The following CDC42BPA variants were observed in gnomAD, a reference collection of about 807,000 sequenced individuals.
CDC42BPA encodes serine/threonine-protein kinase MRCK alpha.
A neutral mutation model predicts 223.5 loss-of-function variants in CDC42BPA; 80 were observed. The ratio of observed to expected loss-of-function variants is 0.36; its 90% CI spans 0.30 to 0.43. The LOEUF (loss-of-function observed/expected upper bound fraction) is 0.43, where lower values mean the gene tolerates loss of function less well. Ranked by LOEUF, CDC42BPA falls within the 20% of genes least tolerant of loss-of-function variation. The probability of loss-of-function intolerance (pLI) is 1.00; values close to 1 mark genes in which losing one functional copy is unlikely to be tolerated. For synonymous variants in CDC42BPA, 694 were observed against 718.6 expected (o/e 0.97, Z 0.55); for missense variants, 1,743 against 2,099.9 (o/e 0.83, Z 3.32).
intron 32 of CDC42BPA, among the ~76,000 whole-genome samples, chr1:227,019,197 T>C (rs373002971): frequency 1.4e-3 from 212 of 152,344 alleles, no homozygotes; most frequent in African/African-American, 4.5e-3. Flanking sequence ...TCTTGTTTTT[T>C]CAACAATGTT....
intron 3 of CDC42BPA, among the ~76,000 whole-genome samples, chr1:227,207,018 T>C (rs1672859445): frequency 6.6e-6 from 1 of 151,424 alleles, no homozygotes; most frequent in Non-Finnish European, 1.5e-5. Flanking sequence ...GCCATGTTGG[T>C]GTGCTGCACC....
intron 10 of CDC42BPA, among the ~76,000 whole-genome samples, chr1:227,138,097 G>A (rs971270813): frequency 2.0e-5 from 3 of 151,928 alleles, no homozygotes; most frequent in Non-Finnish European, 2.9e-5. Flanking sequence ...AACAACTTAC[G>A]GAAAAACAGA....
intron 1 of CDC42BPA, among the ~76,000 whole-genome samples, chr1:227,312,411 C>T (rs1310663559): frequency 6.6e-6 from 1 of 152,212 alleles, no homozygotes; most frequent in Non-Finnish European, 1.5e-5. Flanking sequence ...TGGGACATTT[C>T]ATAAAATTTC....
At chr1:227,228,836 A>T (rs1232737743) in intron 2 of CDC42BPA, among the ~76,000 whole-genome samples, 3 of 152,138 alleles carry the variant, frequency 2.0e-5, no homozygotes, top group Non-Finnish European at 4.4e-5. Context: ...CTTTGGAGAA[A>T]CAGCTATCCA....
rs943202310 is a variant in CDC42BPA at position 227,243,755 on chromosome 1, G to GTC, written c.270+10307_270+10308dup. 7.5e-5 allele frequency among the ~76,000 whole-genome samples: 8 copies of GTC among 106,262 alleles called. No homozygotes were observed. The South Asian group carries it at 1.6e-3, about 21-fold the overall frequency. 69.7% of individuals were successfully genotyped at this position (106,262 alleles called of 152,430 possible). On this transcript the variant is annotated intron_variant, in intron 2 of 36. Transcript: ENST00000366766. ...AAATGCCAAGCCACGGAAAAGATTT[G>GTC]TCACACACACACACACACACACACA...
chr1:227,186,584 G>C (rs1668808358), intron 5 of CDC42BPA, among the ~76,000 whole-genome samples: 1 of 152,120 alleles, frequency 6.6e-6, no homozygotes, highest in South Asian at 2.1e-4. Context: ...CAGTCTCAAA[G>C]CCTCACTAAA....
intron 23 of CDC42BPA, among the ~76,000 whole-genome samples, chr1:227,043,481 T>C (rs1311137682): frequency 6.6e-6 from 1 of 152,076 alleles, no homozygotes; most frequent in Non-Finnish European, 1.5e-5. Flanking sequence ...AATTTCTATT[T>C]TGAGATAATT....
rs1004094979 is a variant in CDC42BPA at position 227,035,355 on chromosome 1, G to T, written c.3336+116C>A. ...TCTAGATGAAATAAAATTATTAGAT[G>T]AATTTTATTCATTTAATTTTCCATC... On this transcript the variant is annotated intron_variant, in intron 25 of 36. Coordinates refer to ENST00000366766, the MANE Select transcript of CDC42BPA (RefSeq NM_001394014.1). 9 of 736,926 alleles carry T rather than the reference G, an allele frequency of 1.2e-5. No individual in the cohort carries two copies. The African/African-American group carries it at 1.7e-4, about 14-fold the overall frequency. The allele number at this position is 736,926 out of a possible 1,614,324, so 45.6% of individuals were successfully genotyped here. A position where few individuals can be genotyped will look rare whatever the true frequency, so the allele number is the denominator to read the frequency against.
intron 1 of CDC42BPA, among the ~76,000 whole-genome samples, chr1:227,270,319 G>A (rs2148459744): frequency 6.6e-6 from 1 of 152,260 alleles, no homozygotes; most frequent in East Asian, 1.9e-4. Flanking sequence ...ATTAAGCAAA[G>A]AATCAGAAGT....
At chr1:227,160,985 A>T (rs1663780588) in intron 5 of CDC42BPA, among the ~76,000 whole-genome samples, 1 of 152,212 alleles carries the variant, frequency 6.6e-6, no homozygotes, top group Admixed American at 6.5e-5. Flanking sequence ...ACCACAAAAA[A>T]TACTATCCTC....
intron 2 of CDC42BPA, among the ~76,000 whole-genome samples, chr1:227,221,515 T>C (rs932510460): frequency 6.6e-6 from 1 of 152,082 alleles, no homozygotes; most frequent in African/African-American, 2.4e-5. Flanking sequence ...AAAGTTGACT[T>C]TTTTGAATGT....
In CDC42BPA at chr1:227,101,176, G is replaced by T; in HGVS notation, c.2065C>A (p.Leu689Ile). Reference sequence around the variant, plus strand: ...CTTTTCTTTTCCAAATCAGTCTTTAGTTTGGTTATCTCTTGCTGATGTTCT... The same window carrying T: ...CTTTTCTTTTCCAAATCAGTCTTTATTTTGGTTATCTCTTGCTGATGTTCT... ...SIEHQQEITK[L>I]KTDLEKKSIF... Residue 689 changes from leucine (L) to isoleucine (I), a missense_variant, in exon 15 of 37, where the codon CTA becomes ATA. This residue lies in a region of CDC42BPA where 464 missense variants were observed against 488.0 expected (regional missense o/e 0.95). Transcript: ENST00000366766. 6.3e-7 allele frequency: 1 copy of T among 1,597,134 alleles called. No homozygotes were observed. The highest frequency in any genetic ancestry group is 8.6e-7 in the Non-Finnish European group (1 of 1,165,640).
chr1:227,082,232 G>T (rs1334746556), intron 16 of CDC42BPA, among the ~76,000 whole-genome samples: 1 of 125,266 alleles, frequency 8.0e-6, no homozygotes, highest in Admixed American at 8.6e-5. Context: ...TTTTTGTACA[G>T]ATGGGGTCTT....
At chr1:227,191,807 G>A (rs1669759330) in intron 5 of CDC42BPA, among the ~76,000 whole-genome samples, 1 of 151,964 alleles carries the variant, frequency 6.6e-6, no homozygotes. Flanking sequence ...TGACTCTTGA[G>A]ACCACAATAC....
intron 10 of CDC42BPA, among the ~76,000 whole-genome samples, chr1:227,133,964 A>AAAATGAAT (rs1553355371): frequency 2.6e-5 from 1 of 38,798 alleles, no homozygotes; most frequent in Non-Finnish European, 6.5e-5. Flanking sequence ...GATCAATAAA[A>AAAATGAAT]AAATAAATGA....
chr1:227,308,980 A>G (rs781156795), intron 1 of CDC42BPA, among the ~76,000 whole-genome samples: 1 of 152,196 alleles, frequency 6.6e-6, no homozygotes, highest in South Asian at 2.1e-4. Flanking sequence ...TTTCATCCAT[A>G]TAAGTAGTAC....
chr1:226,998,988 T>C (rs576028529), intron 35 of CDC42BPA, among the ~76,000 whole-genome samples: 1 of 152,046 alleles, frequency 6.6e-6, no homozygotes, highest in African/African-American at 2.4e-5. Context: ...GTGAAGAATA[T>C]GAACAGACAC....
chr1:227,151,881 CAA>C (rs58336726), intron 6 of CDC42BPA, among the ~76,000 whole-genome samples: 2 of 85,768 alleles, frequency 2.3e-5, no homozygotes, highest in Non-Finnish European at 2.2e-5. Context: ...CCAGTCTCTA[CAA>C]AAAAAAAAAA....
intron 6 of CDC42BPA, among the ~76,000 whole-genome samples, chr1:227,151,733 A>G (rs1661792514): frequency 6.6e-6 from 1 of 151,976 alleles, no homozygotes; most frequent in African/African-American, 2.4e-5. Context: ...GCACCTTTTC[A>G]AGTGCTAATT....
Sources: allele counts gnomAD v4.1 joint callset (sites outside exome capture counted in the v4.1 genomes callset), GRCh38; gene constraint gnomAD v4.1.1; regional missense constraint gnomAD v4.1.1; transcripts MANE v1.5; gene names NCBI Gene and HGNC (gene_info 2026-07-23, HGNC 2026-07-21).